The following RANBP17 variants were observed in gnomAD, a reference collection of about 807,000 sequenced individuals.
RANBP17 encodes the protein RAN binding protein 17.
A neutral mutation model predicts 141.2 loss-of-function variants in RANBP17; 158 were observed. The ratio of observed to expected loss-of-function variants is 1.12; its 90% CI spans 0.98 to 1.28. RANBP17 has a LOEUF of 1.28. Among genes scored for constraint, RANBP17 ranks in the 50% most tolerant of loss-of-function variants. RANBP17 has a pLI of 0.00. For synonymous variants in RANBP17, 430 were observed against 450.0 expected (o/e 0.96, Z 0.56); for missense variants, 1,438 against 1,290.7 (o/e 1.11, Z -1.75).
chr5:171,150,754 C>T lies in RANBP17; in HGVS notation c.1711-19376C>T, dbSNP rs375310778. 1.3e-3 allele frequency among the ~76,000 whole-genome samples: 191 copies of T among 152,228 alleles called. 8 individuals are homozygous for T. The South Asian group carries it at 0.038, about 30-fold the overall frequency. On this transcript the variant is annotated intron_variant, in intron 14 of 27. Coordinates refer to ENST00000523189, the MANE Select transcript of RANBP17 (RefSeq NM_022897.5). ...TGCTTTTCAAAAATTCTGTCATACC[C>T]AAGAGATGATTCTGTGATCCAAAGT...
chr5:170,979,462 A>G (rs1777611260), intron 14 of RANBP17, among the ~76,000 whole-genome samples: 1 of 152,166 alleles, frequency 6.6e-6, no homozygotes, highest in African/African-American at 2.4e-5. Context: ...TTAGAGAATG[A>G]TATGGTCTGG....
chr5:171,133,010 C>G (rs561341544), intron 14 of RANBP17, among the ~76,000 whole-genome samples: 1 of 151,946 alleles, frequency 6.6e-6, no homozygotes, highest in Non-Finnish European at 1.5e-5. Flanking sequence ...CTCAGCCTCC[C>G]GAGTAGCTGG....
chr5:171,205,088 A>G (rs944416463), intron 19 of RANBP17, among the ~76,000 whole-genome samples: 1 of 152,158 alleles, frequency 6.6e-6, no homozygotes, highest in Non-Finnish European at 1.5e-5. Flanking sequence ...TTCATTAGGA[A>G]TTTTTAAATG....
intron 25 of RANBP17, among the ~76,000 whole-genome samples, chr5:171,275,539 T>C (rs1767430791): frequency 6.6e-6 from 1 of 152,220 alleles, no homozygotes; most frequent in African/African-American, 2.4e-5. Flanking sequence ...CAATGTGCTT[T>C]TTCAGGTTCC....
At chr5:170,902,961 G>T (rs1282225768) in intron 5 of RANBP17, among the ~76,000 whole-genome samples, 1 of 152,140 alleles carries the variant, frequency 6.6e-6, no homozygotes. Context: ...GTCTGTTGAC[G>T]CCTGCTGGGA....
At chr5:170,919,284 C>T (rs769082899) in intron 10 of RANBP17, among the ~76,000 whole-genome samples, 157 bp from the exon 11 acceptor site, 34 of 151,672 alleles carry the variant, frequency 2.2e-4, no homozygotes, top group Non-Finnish European at 4.4e-4. Context: ...TTTCTTTATA[C>T]TTTTTTGCAT....
chr5:170,988,921 TA>T (rs1396880359), intron 14 of RANBP17, among the ~76,000 whole-genome samples: 12 of 151,916 alleles, frequency 7.9e-5, no homozygotes, highest in Admixed American at 7.9e-4. Context: ...AACCAGTTTG[TA>T]AGATGAAGAT....
chr5:170,927,880 G>T (rs1773054963), intron 12 of RANBP17, among the ~76,000 whole-genome samples: 1 of 151,956 alleles, frequency 6.6e-6, no homozygotes, highest in Non-Finnish European at 1.5e-5. Context: ...ATTTCTTTTG[G>T]ATAGGTACCT....
chr5:171,133,419 A>T (rs2127793603), intron 14 of RANBP17, among the ~76,000 whole-genome samples: 1 of 152,292 alleles, frequency 6.6e-6, no homozygotes, highest in Non-Finnish European at 1.5e-5. Context: ...AATTAGTGAC[A>T]AGACAGTATT....
chr5:171,025,577 CT>C (rs1561999893), intron 14 of RANBP17, among the ~76,000 whole-genome samples: 1 of 137,970 alleles, frequency 7.2e-6, no homozygotes, highest in Admixed American at 7.1e-5. Flanking sequence ...TTTTTTTTTT[CT>C]TTTTTTCTTT....
intron 14 of RANBP17, among the ~76,000 whole-genome samples, chr5:171,037,932 GA>G (rs1458569346): frequency 6.6e-6 from 1 of 151,992 alleles, no homozygotes; most frequent in Non-Finnish European, 1.5e-5. Flanking sequence ...ATGAATTTTA[GA>G]ATAGTTTTTT....
intron 14 of RANBP17, among the ~76,000 whole-genome samples, chr5:170,978,277 T>C (rs2127545165): frequency 6.6e-6 from 1 of 152,258 alleles, no homozygotes; most frequent in East Asian, 1.9e-4. Flanking sequence ...TAAAATCATT[T>C]TGGAAAACTA....
At chr5:170,975,484 C>T (rs1777297062) in intron 14 of RANBP17, among the ~76,000 whole-genome samples, 1 of 152,174 alleles carries the variant, frequency 6.6e-6, no homozygotes, top group South Asian at 2.1e-4. Context: ...CGAGATTGCG[C>T]CACTGCACTC....
intron 21 of RANBP17, among the ~76,000 whole-genome samples, 158 bp downstream of exon 21, chr5:171,213,896 C>T (rs887928335): frequency 6.6e-6 from 1 of 152,070 alleles, no homozygotes; most frequent in African/African-American, 2.4e-5. Flanking sequence ...TAGAGACATA[C>T]GATTGAGGCC....
At position 171,163,976 on chromosome 5, in the gene RANBP17, T is replaced by C. The variant is rs538901364; in HGVS notation, c.1711-6154T>C. Among the ~76,000 whole-genome samples the C allele has an allele frequency of 4.6e-5, 7 of 152,264 alleles. No homozygotes were observed. The East Asian group carries it at 1.4e-3, about 29-fold the overall frequency. On this transcript the variant is annotated intron_variant, in intron 14 of 27. Coordinates refer to ENST00000523189, the MANE Select transcript of RANBP17 (RefSeq NM_022897.5). ...GCCTAAGGGTATTAACTTACTATAATTTTCTGAAGATTCATTATCCAAAAT... is the reference window on the plus strand; with the variant it reads ...GCCTAAGGGTATTAACTTACTATAACTTTCTGAAGATTCATTATCCAAAAT...
chr5:170,881,710 G>A lies in RANBP17; in HGVS notation c.166-96G>A, dbSNP rs147944488. 1,502 of 850,198 alleles carry A rather than the reference G, an allele frequency of 1.8e-3. 5 individuals are homozygous for A. Among genetic ancestry groups the A allele is most frequent in the Middle Eastern group, 4.5e-3 (12 of 2,640 alleles). The allele number at this position is 850,198 out of a possible 1,614,324, so 52.7% of individuals were successfully genotyped here. A position where few individuals can be genotyped will look rare whatever the true frequency, so the allele number is the denominator to read the frequency against. On this transcript the variant is annotated intron_variant, in intron 2 of 27. Coordinates refer to ENST00000523189, the MANE Select transcript of RANBP17 (RefSeq NM_022897.5). ...TGTAAATTTGCCAGTTTGGAAAACC[G>A]GAAGAATTTCTGTTATTGCTTAGAA... is the stretch of plus-strand genomic sequence containing the variant.
chr5:170,905,539 G>C (rs890253834), intron 5 of RANBP17, among the ~76,000 whole-genome samples: 4 of 152,082 alleles, frequency 2.6e-5, no homozygotes, highest in African/African-American at 9.7e-5. Flanking sequence ...AAAATTTAAA[G>C]TGATCTCTTA....
rs769742239 is a variant in RANBP17, at chr5:170,955,681, T to TATATATATATATATATATGTATACAC, written c.1574+1980_1574+1981insTATATATATATATATATGTATACACA. Among the ~76,000 whole-genome samples the TATATATATATATATATATGTATACAC allele has an allele frequency of 5.1e-5, 2 of 39,064 alleles. 1 individual carries two copies. Among genetic ancestry groups the TATATATATATATATATATGTATACAC allele is most frequent in the South Asian group, 3.0e-3 (2 of 670 alleles). 25.6% of individuals were successfully genotyped at this position (39,064 alleles called of 152,430 possible). On this transcript the variant is annotated intron_variant, in intron 13 of 27. Transcript: ENST00000523189. Reference sequence around the variant, plus strand: ...ATATATATATATATATATATATATATACACTGAATGAACTCTGTAGAGGAA... The same window carrying TATATATATATATATATATGTATACAC: ...ATATATATATATATATATATATATATATATATATATATATATATGTATACACACACTGAATGAACTCTGTAGAGGAA...
At chr5:171,117,681 A>G (rs1165276329) in intron 14 of RANBP17, among the ~76,000 whole-genome samples, 2 of 151,870 alleles carry the variant, frequency 1.3e-5, no homozygotes, top group Non-Finnish European at 2.9e-5. Context: ...TTTAGTAGAG[A>G]TGGGGTTTCA....
Sources: gnomAD v4.1 joint callset for allele counts (sites outside exome capture counted in the v4.1 genomes callset) on GRCh38, gnomAD v4.1.1 for gene constraint, MANE v1.5 for transcripts, NCBI Gene and HGNC (gene_info 2026-07-23, HGNC 2026-07-21) for gene names.